Variants in NUDCD3 observed in about 807,000 individuals in gnomAD.
NUDCD3 encodes the protein nudC domain-containing protein 3.
NUDCD3 carries 13 observed loss-of-function variants against 39.7 expected under a neutral mutation model. That is an observed-to-expected ratio of 0.33 (90% CI 0.21 to 0.52). The LOEUF is 0.52. Among genes scored for constraint, NUDCD3 ranks in the 20% least tolerant of loss-of-function variants. The probability of loss-of-function intolerance (pLI) is 0.96; values close to 1 mark genes in which losing one functional copy is unlikely to be tolerated. For synonymous variants in NUDCD3, 175 were observed against 172.4 expected (o/e 1.02, Z -0.12); for missense variants, 453 against 458.1 (o/e 0.99, Z 0.10).
intron 4 of NUDCD3, among the ~76,000 whole-genome samples, chr7:44,403,703 T>C (rs1277925938): frequency 6.6e-6 from 1 of 152,252 alleles, no homozygotes; most frequent in Non-Finnish European, 1.5e-5. Flanking sequence ...TTGCATACTT[T>C]GCACATATGA....
chr7:44,485,599 A>G (rs1800593690), intron 1 of NUDCD3: 2 of 239,988 alleles, frequency 8.3e-6, no homozygotes, highest in Non-Finnish European at 1.6e-5. Context: ...TTCACAATGC[A>G]AAGAATACAC....
rs1798371273 is a variant in NUDCD3 at position 44,384,745 on chromosome 7, T to G, written c.*1266A>C. 1 of 152,258 alleles carries G rather than the reference T, an allele frequency of 6.6e-6. No individual in the cohort carries two copies. Among genetic ancestry groups the G allele is most frequent in the Non-Finnish European group, 1.5e-5 (1 of 68,070 alleles). The allele number at this position is 152,258 out of a possible 1,614,324, so 9.4% of individuals were successfully genotyped here. On this transcript the variant is annotated 3_prime_UTR_variant, in exon 6 of 6. Transcript: ENST00000355451. ...GTGTGGCTTATCCATGCTCTGAGCT[T>G]GACAGACAGGCAAATGGACAGTGCC... is the stretch of plus-strand genomic sequence containing the variant.
intron 2 of NUDCD3, among the ~76,000 whole-genome samples, chr7:44,429,559 A>G (rs1799311838): frequency 6.6e-6 from 1 of 152,070 alleles, no homozygotes; most frequent in Non-Finnish European, 1.5e-5. Flanking sequence ...AAGAATCAAC[A>G]TTTTTCGTTT....
At chr7:44,476,867 G>A (rs537918053) in intron 2 of NUDCD3, among the ~76,000 whole-genome samples, 41 of 152,288 alleles carry the variant, frequency 2.7e-4, no homozygotes, top group African/African-American at 9.4e-4. Flanking sequence ...TGGGGAAAGC[G>A]GAGGGATGAA....
intron 3 of NUDCD3, among the ~76,000 whole-genome samples, chr7:44,405,187 G>A (rs1010081532): frequency 2.0e-5 from 3 of 152,058 alleles, no homozygotes; most frequent in East Asian, 1.9e-4. Context: ...ACCAACACTC[G>A]CACATGGTTT....
chr7:44,396,892 A>G (rs1182382464), intron 4 of NUDCD3, among the ~76,000 whole-genome samples: 1 of 152,254 alleles, frequency 6.6e-6, no homozygotes, highest in Non-Finnish European at 1.5e-5. Context: ...TGGAGTTCAA[A>G]GACCTCTATC....
At chr7:44,427,785 T>C (rs991202194) in intron 2 of NUDCD3, 82 bp from the exon 3 acceptor site, 5 of 1,456,816 alleles carry the variant, frequency 3.4e-6, no homozygotes, top group Non-Finnish European at 3.7e-6. Context: ...ATGCCACTCC[T>C]ACATCCTGGA....
chr7:44,472,944 T>G (rs1357953877), intron 2 of NUDCD3, among the ~76,000 whole-genome samples: 1 of 152,198 alleles, frequency 6.6e-6, no homozygotes, highest in Non-Finnish European at 1.5e-5. Context: ...CCATACCCTT[T>G]GACCCAGTAA....
At chr7:44,412,617 G>GC (rs1463427454) in intron 3 of NUDCD3, among the ~76,000 whole-genome samples, 4 of 152,140 alleles carry the variant, frequency 2.6e-5, no homozygotes, top group African/African-American at 9.7e-5. Flanking sequence ...TTTCATTTCT[G>GC]CAACAATTAA....
At chr7:44,434,057 T>C (rs991846279) in intron 2 of NUDCD3, among the ~76,000 whole-genome samples, 23 of 152,206 alleles carry the variant, frequency 1.5e-4, no homozygotes, top group Middle Eastern at 3.2e-3. Flanking sequence ...ATAAGCATTA[T>C]TATAAAAATG....
At chr7:44,457,683 A>C (rs1563183068) in intron 2 of NUDCD3, among the ~76,000 whole-genome samples, 3 of 152,378 alleles carry the variant, frequency 2.0e-5, no homozygotes, top group South Asian at 4.1e-4. Flanking sequence ...AAAGATGGTT[A>C]AAGAGTTTGA....
chr7:44,412,186 C>T (rs1798939626), intron 3 of NUDCD3, among the ~76,000 whole-genome samples: 1 of 152,216 alleles, frequency 6.6e-6, no homozygotes, highest in Admixed American at 6.5e-5. Flanking sequence ...TGAAGATACA[C>T]ATGCAAGTAC....
chr7:44,420,424 C>T (rs1585067016), intron 3 of NUDCD3, among the ~76,000 whole-genome samples: 2 of 152,322 alleles, frequency 1.3e-5, no homozygotes, highest in East Asian at 3.9e-4. Context: ...GGAAAACACA[C>T]TTCATGATAT....
intron 4 of NUDCD3, chr7:44,402,888 T>C: frequency 3.2e-6 from 1 of 314,306 alleles, no homozygotes; most frequent in South Asian, 2.5e-5. Context: ...GCATCACTCA[T>C]GCTCTCATAC....
chr7:44,404,389 T>C, intron 4 of NUDCD3, 51 bp downstream of exon 4: 2 of 1,585,540 alleles, frequency 1.3e-6, no homozygotes, highest in Non-Finnish European at 8.6e-7. Flanking sequence ...GGGGCATCAC[T>C]GCAGGTTTGA....
intron 5 of NUDCD3, among the ~76,000 whole-genome samples, chr7:44,391,230 G>A (rs192911324): frequency 1.3e-5 from 2 of 152,340 alleles, no homozygotes; most frequent in East Asian, 3.9e-4. Context: ...CCTTAACTGT[G>A]TGTACTAAGT....
At chr7:44,462,210 A>G (rs1241249090) in intron 2 of NUDCD3, among the ~76,000 whole-genome samples, 1 of 152,148 alleles carries the variant, frequency 6.6e-6, no homozygotes, top group East Asian at 1.9e-4. Flanking sequence ...AATGCGTATT[A>G]CCTCTCTATC....
chr7:44,490,225 C>G (rs1407778871), intron 1 of NUDCD3, 184 bp downstream of exon 1: 1 of 602,958 alleles, frequency 1.7e-6, no homozygotes, highest in Non-Finnish European at 2.8e-6. Flanking sequence ...CCGGAGCGAA[C>G]ACCTCAGCGG....
At chr7:44,483,067 A>AGTGTGT (rs142842030) in intron 2 of NUDCD3, among the ~76,000 whole-genome samples, 1 of 149,776 alleles carries the variant, frequency 6.7e-6, no homozygotes, top group Admixed American at 6.7e-5. Context: ...AGACCTCCTA[A>AGTGTGT]GTGTGTGTGT....
Sources: allele counts gnomAD v4.1 joint callset (sites outside exome capture counted in the v4.1 genomes callset), GRCh38; gene constraint gnomAD v4.1.1; transcripts MANE v1.5; gene names NCBI Gene and HGNC (gene_info 2026-07-23, HGNC 2026-07-21).